SGCZ: variants seen among roughly 807,000 people sequenced by gnomAD.
The protein encoded by SGCZ is sarcoglycan zeta.
A neutral mutation model predicts 41.3 loss-of-function variants in SGCZ; 40 were observed. The ratio of observed to expected loss-of-function variants is 0.97; its 90% confidence interval spans 0.75 to 1.26. SGCZ has a LOEUF of 1.26. Among genes scored for constraint, SGCZ ranks in the 50% most tolerant of loss-of-function variants. The probability of loss-of-function intolerance (pLI) is 0.00; values close to 1 mark genes in which losing one functional copy is unlikely to be tolerated. For synonymous variants in SGCZ, 206 were observed against 137.5 expected, an observed-to-expected ratio of 1.50 and a Z score of -3.49; for missense variants, 552 against 369.8, an observed-to-expected ratio of 1.49 and a Z score of -4.04.
chr8:14,754,962 T>G (rs1432052390), intron 1 of SGCZ, among the ~76,000 whole-genome samples: 6 of 152,178 alleles, frequency 3.9e-5, no homozygotes, highest in Non-Finnish European at 8.8e-5. Flanking sequence ...ATTCCTGAGC[T>G]CAAGCGATCC....
chr8:14,698,880 A>C (rs1223851502), intron 1 of SGCZ, among the ~76,000 whole-genome samples: 1 of 151,974 alleles, frequency 6.6e-6, no homozygotes, highest in South Asian at 2.1e-4. Flanking sequence ...TATGGGGTAG[A>C]AAGGTAGATC....
intron 1 of SGCZ, among the ~76,000 whole-genome samples, chr8:14,886,021 AT>A (rs1804787520): frequency 4.3e-5 from 5 of 114,974 alleles, no homozygotes; most frequent in African/African-American, 6.5e-5. Context: ...ATATATATAT[AT>A]ATATATATAT....
At chr8:14,128,678 A>C (rs527915611) in intron 5 of SGCZ, among the ~76,000 whole-genome samples, 1 of 152,236 alleles carries the variant, frequency 6.6e-6, no homozygotes, top group Non-Finnish European at 1.5e-5. Flanking sequence ...TCTGAATTTA[A>C]AAATGTGATA....
At chr8:15,126,393 T>C (rs1005239681) in intron 1 of SGCZ, among the ~76,000 whole-genome samples, 2 of 152,124 alleles carry the variant, frequency 1.3e-5, no homozygotes, top group Admixed American at 6.5e-5. Flanking sequence ...AAAATAAGCT[T>C]CGGATTCATT....
intron 1 of SGCZ, among the ~76,000 whole-genome samples, chr8:14,582,356 T>G (rs1245732591): frequency 2.0e-5 from 3 of 151,932 alleles, no homozygotes; most frequent in African/African-American, 7.3e-5. Flanking sequence ...TGTTGAAGGG[T>G]CTACTGCACA....
chr8:14,230,891 G>C (rs991946162), intron 4 of SGCZ, among the ~76,000 whole-genome samples: 6 of 151,752 alleles, frequency 4.0e-5, no homozygotes, highest in African/African-American at 1.2e-4. Context: ...GTATCTACTG[G>C]TTAAAAAGTA....
intron 2 of SGCZ, among the ~76,000 whole-genome samples, chr8:14,489,906 G>A (rs976564671): frequency 2.3e-5 from 3 of 130,288 alleles, no homozygotes; most frequent in African/African-American, 5.8e-5. Context: ...TCGCTCTGTC[G>A]CCCAGACTGG....
intron 1 of SGCZ, among the ~76,000 whole-genome samples, chr8:14,734,930 T>C (rs766801922): frequency 6.6e-6 from 1 of 152,192 alleles, no homozygotes; most frequent in Admixed American, 6.5e-5. Flanking sequence ...TGGGAATGGG[T>C]ATTCTGATTC....
chr8:15,130,368 G>A (rs1420932048), intron 1 of SGCZ, among the ~76,000 whole-genome samples: 3 of 152,200 alleles, frequency 2.0e-5, no homozygotes. Flanking sequence ...CCAGTGTGCT[G>A]AAATTCCAGC....
In SGCZ at chr8:15,119,541, GA is replaced by G. The variant is rs534457696; in HGVS notation, c.39+118043del. ...GAAAGACCCTGTCTCAAAAAGAAAA[GA>G]AAAAAAAAAACCCTCCTAATTTTCT... On this transcript the variant is annotated intron_variant, in intron 1 of 7. Coordinates refer to ENST00000382080, the MANE Select transcript of SGCZ (RefSeq NM_139167.4). Among the ~76,000 whole-genome samples, 209 of 137,308 alleles carry G rather than the reference GA, an allele frequency of 1.5e-3. 2 individuals are homozygous for G. Among genetic ancestry groups the G allele is most frequent in the Middle Eastern group, 3.8e-3 (1 of 262 alleles). The allele number at this position is 137,308 out of a possible 152,430, so 90.1% of individuals were successfully genotyped here.
intron 1 of SGCZ, among the ~76,000 whole-genome samples, chr8:14,744,573 G>A (rs918537968): frequency 1.8e-4 from 28 of 152,074 alleles, no homozygotes; most frequent in African/African-American, 6.3e-4. Context: ...TTGTTGGATG[G>A]AGAAATGAGA....
intron 2 of SGCZ, among the ~76,000 whole-genome samples, chr8:14,397,377 A>G (rs7830640): frequency 0.17 from 25,537 of 152,082 alleles, 5,052 homozygotes; most frequent in African/African-American, 0.48. Flanking sequence ...AATGCTTCTT[A>G]TAGGTATTCA....
At chr8:14,183,061 A>G (rs1472112912) in intron 4 of SGCZ, among the ~76,000 whole-genome samples, 1 of 152,118 alleles carries the variant, frequency 6.6e-6, no homozygotes, top group Non-Finnish European at 1.5e-5. Flanking sequence ...TTGATTAAGA[A>G]AAAAATTAAA....
intron 1 of SGCZ, among the ~76,000 whole-genome samples, chr8:14,651,714 T>C (rs1585155425): frequency 6.6e-6 from 1 of 152,108 alleles, no homozygotes; most frequent in Non-Finnish European, 1.5e-5. Context: ...TAAATGTCTT[T>C]AGCCTCTCAT....
Position 14,090,641 on chromosome 8 carries a change from T to TG in SGCZ, c.745-5dup. ...TTGTCTCTGCATTTAAAAATATCTA[T>TG]GGGAAAAAAGAAATTGCATTTTAAT... On this transcript the variant is annotated splice_polypyrimidine_tract_variant and splice_region_variant and intron_variant, in intron 7 of 7. Transcript: ENST00000382080. The TG allele has an allele frequency of 6.2e-7, 1 of 1,606,584 alleles. No individual in the cohort carries two copies. The highest frequency in any genetic ancestry group is 1.1e-5 in the South Asian group (1 of 90,322).
intron 1 of SGCZ, among the ~76,000 whole-genome samples, chr8:14,953,382 C>T (rs1398450217): frequency 2.0e-5 from 3 of 152,090 alleles, no homozygotes; most frequent in African/African-American, 7.2e-5. Flanking sequence ...AAATCTGCCC[C>T]CATGATTCAA....
chr8:14,984,075 G>C (rs1009330587), intron 1 of SGCZ, among the ~76,000 whole-genome samples: 1 of 152,078 alleles, frequency 6.6e-6, no homozygotes, highest in African/African-American at 2.4e-5. Context: ...TAACTTGAAA[G>C]ACATCTTTAC....
At chr8:15,198,908 T>A (rs1175222163) in intron 1 of SGCZ, among the ~76,000 whole-genome samples, 1 of 152,184 alleles carries the variant, frequency 6.6e-6, no homozygotes, top group African/African-American at 2.4e-5. Context: ...AGGAAAAGCA[T>A]AGGTTTGCAG....
intron 1 of SGCZ, among the ~76,000 whole-genome samples, chr8:14,954,726 T>G (rs565725861): frequency 7.2e-5 from 11 of 152,258 alleles, no homozygotes; most frequent in South Asian, 4.1e-4. Flanking sequence ...ACTGTTTGGA[T>G]TCTTAACTGA....
Sources: gnomAD v4.1 joint callset for allele counts (sites outside exome capture counted in the v4.1 genomes callset) on GRCh38, gnomAD v4.1.1 for gene constraint, MANE v1.5 for transcripts, NCBI Gene and HGNC (gene_info 2026-07-23, HGNC 2026-07-21) for gene names.